ADCY10: variants seen among roughly 807,000 people sequenced by gnomAD.
ADCY10 encodes adenylate cyclase 10.
A neutral mutation model predicts 183.3 loss-of-function variants in ADCY10; 156 were observed. That is an observed-to-expected ratio of 0.85 (90% CI 0.75 to 0.97). ADCY10 has a LOEUF of 0.97. ADCY10 is among the 50% of genes least tolerant of loss of function. ADCY10 has a pLI of 0.00. For missense variants in ADCY10, 1,745 were observed against 1,934.3 expected, an observed-to-expected ratio of 0.90 and a Z score of 1.84; for synonymous variants, 645 against 670.0, an observed-to-expected ratio of 0.96 and a Z score of 0.58.
intron 14 of ADCY10, among the ~76,000 whole-genome samples, chr1:167,861,892 G>C (rs1394153925): frequency 6.6e-6 from 1 of 152,104 alleles, no homozygotes; most frequent in Non-Finnish European, 1.5e-5. Context: ...CATGAGATTT[G>C]ATGGTTTAAA....
intron 21 of ADCY10, among the ~76,000 whole-genome samples, chr1:167,839,907 AT>A (rs1664487544): frequency 1.3e-5 from 2 of 152,078 alleles, no homozygotes; most frequent in Admixed American, 6.6e-5. Context: ...TCAACATTCT[AT>A]GTATTTTTTA....
At chr1:167,880,022 G>A in intron 11 of ADCY10, 93 bp downstream of exon 11, 1 of 1,058,828 alleles carries the variant, frequency 9.4e-7, no homozygotes, top group Non-Finnish European at 1.4e-6. Flanking sequence ...CAGGGCTCAT[G>A]TCTCACTCAT....
At position 167,848,367 on chromosome 1, in the gene ADCY10, A is replaced by G. The variant is rs567376858; in HGVS notation, c.2431T>C (p.Leu811=). ...CCCGGCCAGATTTTCTTACCTTTTA[A>G]TGACGTTGGAGGTGACAGGTTTTTC... is the stretch of plus-strand genomic sequence containing the variant. ...RLKNLSPPTS[L]KEISLIQLDS... is the part of the protein sequence containing the mutation. Residue 811 remains leucine (L), a synonymous_variant, in exon 19 of 33, where the codon TTA becomes CTA. Transcript: ENST00000367851. 9.3e-6 allele frequency: 15 copies of G among 1,613,308 alleles called. No individual in the cohort carries two copies. The South Asian group carries it at 1.6e-4, about 18-fold the overall frequency.
intron 8 of ADCY10, among the ~76,000 whole-genome samples, chr1:167,888,806 G>GTGGAGCGTGCAGTGAGC (rs1258393774): frequency 1.5e-4 from 13 of 88,022 alleles, no homozygotes; most frequent in Non-Finnish European, 2.3e-5. Flanking sequence ...AACCCGGGAG[G>GTGGAGCGTGCAGTGAGC]CGGAGCGTGC....
chr1:167,865,084 C>T (rs1384714272), intron 14 of ADCY10, among the ~76,000 whole-genome samples: 2 of 151,874 alleles, frequency 1.3e-5, no homozygotes, highest in African/African-American at 4.8e-5. Context: ...AAAATTTATG[C>T]AAAAAATATT....
chr1:167,829,434 A>C lies in ADCY10; in HGVS notation c.3594-11T>G, dbSNP rs999464496. On this transcript the variant is annotated splice_polypyrimidine_tract_variant and intron_variant, in intron 25 of 32. Transcript: ENST00000367851. ...GCCAGCCTCTTCTTCCTATTGGATA[A>C]GGTAAACACAAATGGAACATGAAAG... 6.8e-6 allele frequency: 11 copies of C among 1,614,058 alleles called. No homozygotes were observed. The highest frequency in any genetic ancestry group is 9.3e-6 in the Non-Finnish European group (11 of 1,179,952).
At position 167,833,093 on chromosome 1, in the gene ADCY10, G is replaced by C. The variant is rs767945015; in HGVS notation, c.3487C>G (p.Arg1163Gly). The C allele has an allele frequency of 6.2e-7, 1 of 1,613,990 alleles. No individual in the cohort carries two copies. Among genetic ancestry groups the C allele is most frequent in the African/African-American group, 1.3e-5 (1 of 74,904 alleles). ...GAGATTAAGTTGTAAGGAAAGATTC[G>C]GTTGAGGAGCTTCAGTGCCTTCCTC... ...MLRKALKLLN[R>G]IFPYNLISLF... The change falls in exon 25 of 33, where the codon CGA (arginine) becomes GGA (glycine). Residue 1163 changes from arginine to glycine, a missense_variant. By Grantham distance (125) the Arg-to-Gly change is moderately radical (BLOSUM62 -2). Coordinates refer to ENST00000367851, the MANE Select transcript of ADCY10 (RefSeq NM_018417.6).
intron 24 of ADCY10, among the ~76,000 whole-genome samples, chr1:167,833,728 C>T (rs538271246): frequency 7.2e-6 from 1 of 139,036 alleles, no homozygotes; most frequent in African/African-American, 2.8e-5. Flanking sequence ...CTGGGCAACA[C>T]AGCAAGACTC....
rs777407577 is a variant in ADCY10 at position 167,901,740 on chromosome 1, T to C, written c.358A>G (p.Ile120Val). 4.3e-6 allele frequency: 7 copies of C among 1,614,216 alleles called. No homozygotes were observed. Among genetic ancestry groups the C allele is most frequent in the Non-Finnish European group, 5.9e-6 (7 of 1,180,038 alleles). The change falls in exon 5 of 33, where the codon ATT becomes GTT. Residue 120 changes from isoleucine (I) to valine (V), a missense_variant. Coordinates refer to ENST00000367851, the MANE Select transcript of ADCY10 (RefSeq NM_018417.6). ...CCATGGATCTCCAGGCTACATTTAA[T>C]TACCACTGTGATAATGTTTTTCAGC... ...KQLKNIITVV[I>V]KCSLEIHGLF...
intron 12 of ADCY10, 118 bp from the exon 13 acceptor site, chr1:167,875,304 C>A: frequency 9.6e-7 from 1 of 1,045,954 alleles, no homozygotes; most frequent in Non-Finnish European, 1.5e-6. Flanking sequence ...AAGAGTCTAT[C>A]CCCTGACTCA....
At chr1:167,862,194 C>A (rs1179945566) in intron 14 of ADCY10, among the ~76,000 whole-genome samples, 1 of 152,164 alleles carries the variant, frequency 6.6e-6, no homozygotes, top group Non-Finnish European at 1.5e-5. Flanking sequence ...TGACACATGT[C>A]CCCACAATTC....
chr1:167,854,518 C>T, intron 17 of ADCY10, 29 bp from the exon 18 acceptor site: 1 of 1,613,838 alleles, frequency 6.2e-7, no homozygotes, highest in Non-Finnish European at 8.5e-7. Flanking sequence ...AATCTGTTTA[C>T]ATTGAAGATA....
chr1:167,852,720 C>T (rs1364331698), intron 18 of ADCY10, among the ~76,000 whole-genome samples: 1 of 150,930 alleles, frequency 6.6e-6, no homozygotes, highest in Non-Finnish European at 1.5e-5. Context: ...CACAATCATC[C>T]AGAAAGAAAA....
chr1:167,881,442 G>C (rs1438954686), intron 9 of ADCY10, among the ~76,000 whole-genome samples: 1 of 152,210 alleles, frequency 6.6e-6, no homozygotes, highest in African/African-American at 2.4e-5. Flanking sequence ...TTGATCAACT[G>C]TTAGATCTTA....
At chr1:167,882,443 C>T (rs1424708598) in intron 9 of ADCY10, among the ~76,000 whole-genome samples, 1 of 146,848 alleles carries the variant, frequency 6.8e-6, no homozygotes, top group Non-Finnish European at 1.5e-5. Context: ...CGAGATCATG[C>T]CACTGCATTC....
intron 24 of ADCY10, 40 bp downstream of exon 24, chr1:167,833,930 A>G: frequency 6.7e-7 from 1 of 1,488,594 alleles, no homozygotes; most frequent in South Asian, 1.1e-5. Context: ...AAGGCCTAAG[A>G]TATATAACAG....
At chr1:167,859,767 G>T (rs1469610425) in intron 16 of ADCY10, 40 bp downstream of exon 16, 1 of 1,501,348 alleles carries the variant, frequency 6.7e-7, no homozygotes, top group East Asian at 2.3e-5. Flanking sequence ...GATTTGCCCA[G>T]TTTTCTTCCC....
chr1:167,868,030 C>T (rs1166798332), intron 14 of ADCY10, among the ~76,000 whole-genome samples: 1 of 151,856 alleles, frequency 6.6e-6, no homozygotes, highest in South Asian at 2.1e-4. Context: ...CTCTGGGCGT[C>T]GATAAAAAAG....
intron 9 of ADCY10, among the ~76,000 whole-genome samples, chr1:167,882,660 C>A (rs1667950055): frequency 6.6e-6 from 1 of 151,918 alleles, no homozygotes; most frequent in South Asian, 2.1e-4. Context: ...CCTGAAACCC[C>A]TGGGTAATAC....
Sources: allele counts gnomAD v4.1 joint callset (sites outside exome capture counted in the v4.1 genomes callset), GRCh38; gene constraint gnomAD v4.1.1; transcripts MANE v1.5; gene names NCBI Gene and HGNC (gene_info 2026-07-23, HGNC 2026-07-21).